NIPAL2: variants seen among roughly 807,000 people sequenced by gnomAD.
NIPAL2 encodes NIPA-like protein 2.
In NIPAL2, 43 loss-of-function variants were observed where a neutral mutation model predicts 48.9. The observed-to-expected ratio is 0.88, with a 90% CI of 0.69 to 1.13. The LOEUF (loss-of-function observed/expected upper bound fraction) is 1.13. Among genes scored for constraint, NIPAL2 ranks in the 50% most tolerant of loss-of-function variants. NIPAL2 has a pLI of 0.00. For missense variants in NIPAL2, 446 were observed against 461.4 expected, an observed-to-expected ratio of 0.97 and a Z score of 0.31; for synonymous variants, 167 against 174.6, an observed-to-expected ratio of 0.96 and a Z score of 0.34.
chr8:98,214,049 A>T (rs2130730021), intron 5 of NIPAL2, among the ~76,000 whole-genome samples: 1 of 152,326 alleles, frequency 6.6e-6, no homozygotes, highest in Non-Finnish European at 1.5e-5. Flanking sequence ...TTGCCAAAAA[A>T]GACCTAATGT....
intron 3 of NIPAL2, among the ~76,000 whole-genome samples, chr8:98,236,851 C>CTAAA (rs1812740935): frequency 1.5e-5 from 1 of 66,896 alleles, no homozygotes; most frequent in Non-Finnish European, 2.8e-5. Flanking sequence ...GATCCTGTCT[C>CTAAA]AAAAAAAAAA....
intron 4 of NIPAL2, among the ~76,000 whole-genome samples, chr8:98,234,976 GA>G (rs999589704): frequency 3.9e-5 from 6 of 152,136 alleles, no homozygotes; most frequent in African/African-American, 1.4e-4. Context: ...AATGCATTTA[GA>G]AAAACATTTA....
intron 1 of NIPAL2, among the ~76,000 whole-genome samples, chr8:98,276,022 G>A (rs756891850): frequency 2.6e-5 from 4 of 152,150 alleles, no homozygotes; most frequent in Admixed American, 6.6e-5. Context: ...TGCCACACAT[G>A]CACAGCCTTT....
chr8:98,221,327 C>T (rs1811862541), intron 5 of NIPAL2, among the ~76,000 whole-genome samples: 1 of 150,936 alleles, frequency 6.6e-6, no homozygotes, highest in Admixed American at 6.6e-5. Context: ...TTGTGTGCTC[C>T]TCTCAGACAG....
intron 4 of NIPAL2, among the ~76,000 whole-genome samples, chr8:98,224,207 G>T (rs995375407): frequency 6.6e-6 from 1 of 152,124 alleles, no homozygotes; most frequent in Non-Finnish European, 1.5e-5. Context: ...AAGGGTGATT[G>T]GTGGAAAGTT....
chr8:98,205,153 A>C lies in NIPAL2; in HGVS notation c.749T>G (p.Ile250Ser). ...KMQLTYPIFY[I>S]MFIIMIASCV... The stretch of plus-strand genomic sequence containing the variant: ...AGATGCTATCATGATGATAAACATG[A>C]TATAGAAAATGGGGTAAGTTAGTTG... The change falls in exon 7 of 11, where the codon ATC (isoleucine) becomes AGC (serine). Residue 250 changes from isoleucine to serine, a missense_variant. Transcript: ENST00000430223. 6.2e-7 allele frequency: 1 copy of C among 1,613,898 alleles called. No homozygotes were observed. Among genetic ancestry groups the C allele is most frequent in the African/African-American group, 1.3e-5 (1 of 75,066 alleles).
rs758513813 is a variant in NIPAL2 at position 98,192,038 on chromosome 8, A to C, written c.*940T>G. The stretch of plus-strand genomic sequence containing the variant: ...AATTTAAATGTGATTTTTTAGACTT[A>C]TATGGAGAATAAGACATATAAATCC... On this transcript the variant is annotated 3_prime_UTR_variant, in exon 11 of 11. Coordinates refer to ENST00000430223, the MANE Select transcript of NIPAL2 (RefSeq NM_001321635.2). 3 of 152,192 alleles carry C rather than the reference A, an allele frequency of 2.0e-5. No homozygotes were observed. The highest frequency in any genetic ancestry group is 4.4e-5 in the Non-Finnish European group (3 of 68,048). 9.4% of individuals were successfully genotyped at this position (152,192 alleles called of 1,614,324 possible).
At chr8:98,289,614 T>C (rs1816385395) in intron 1 of NIPAL2, among the ~76,000 whole-genome samples, 1 of 151,954 alleles carries the variant, frequency 6.6e-6, no homozygotes, top group African/African-American at 2.4e-5. Flanking sequence ...GCCTCCTGAG[T>C]AGCTGGGACT....
chr8:98,232,393 A>G (rs1340464973), intron 4 of NIPAL2, among the ~76,000 whole-genome samples: 1 of 152,242 alleles, frequency 6.6e-6, no homozygotes, highest in Non-Finnish European at 1.5e-5. Flanking sequence ...GGGAAAGGTT[A>G]CCTGGATTAC....
chr8:98,284,546 C>T (rs1816048267), intron 1 of NIPAL2, among the ~76,000 whole-genome samples: 2 of 152,080 alleles, frequency 1.3e-5, no homozygotes, highest in Non-Finnish European at 2.9e-5. Flanking sequence ...GGCCTCTCTG[C>T]TTACGGTTTT....
chr8:98,289,147 C>T (rs1440259135), intron 1 of NIPAL2, among the ~76,000 whole-genome samples: 1 of 151,912 alleles, frequency 6.6e-6, no homozygotes, highest in East Asian at 1.9e-4. Context: ...TCTTTTTCTG[C>T]TGTGTCTTTT....
intron 1 of NIPAL2, among the ~76,000 whole-genome samples, chr8:98,255,122 T>G (rs911102002): frequency 2.0e-5 from 3 of 152,240 alleles, no homozygotes; most frequent in African/African-American, 7.2e-5. Context: ...AATTGAAGAT[T>G]TAATAAACAC....
chr8:98,230,433 A>T (rs1272894334), intron 4 of NIPAL2, among the ~76,000 whole-genome samples: 1 of 152,248 alleles, frequency 6.6e-6, no homozygotes, highest in Non-Finnish European at 1.5e-5. Context: ...GTATTTGAGC[A>T]GAGGTGAATT....
chr8:98,205,169 A>G lies in NIPAL2; in HGVS notation c.733T>C (p.Tyr245His). ...FSVMDKMQLT[Y>H]PIFYIMFIIM... ...ATAAACATGATATAGAAAATGGGGTAAGTTAGTTGCATTTTATCCATCACA... is the reference window on the plus strand; with the variant it reads ...ATAAACATGATATAGAAAATGGGGTGAGTTAGTTGCATTTTATCCATCACA... Residue 245 changes from tyrosine (Y) to histidine (H), a missense_variant, in exon 7 of 11, where the codon TAC (tyrosine) becomes CAC (histidine). By Grantham distance (83) the Tyr-to-His change is moderately conservative. Transcript: ENST00000430223. The G allele has an allele frequency of 1.2e-6, 2 of 1,613,320 alleles. No individual in the cohort carries two copies. Among genetic ancestry groups the G allele is most frequent in the Non-Finnish European group, 1.7e-6 (2 of 1,179,294 alleles).
rs1166823423 is a variant in NIPAL2, at chr8:98,263,376, C to T, written c.136-9289G>A. Among the ~76,000 whole-genome samples the T allele has an allele frequency of 2.1e-4, 32 of 149,232 alleles. No individual in the cohort carries two copies. The East Asian group carries it at 3.6e-3, about 17-fold the overall frequency. ...GAAAGGATCAACAAAATTGATAGAC[C>T]GCTAGCAAGACTAATAAAGAAAAAA... On this transcript the variant is annotated intron_variant, in intron 1 of 10. Transcript: ENST00000430223.
At chr8:98,234,052 C>T (rs1812584752) in intron 4 of NIPAL2, among the ~76,000 whole-genome samples, 1 of 152,020 alleles carries the variant, frequency 6.6e-6, no homozygotes, top group Non-Finnish European at 1.5e-5. Context: ...TGTTTGGAGA[C>T]ATTTTTGGTT....
intron 5 of NIPAL2, among the ~76,000 whole-genome samples, chr8:98,219,239 G>A (rs555726211): frequency 6.6e-6 from 1 of 152,256 alleles, no homozygotes; most frequent in East Asian, 1.9e-4. Context: ...ATATAGATCT[G>A]GAGCTCAGGA....
intron 8 of NIPAL2, among the ~76,000 whole-genome samples, chr8:98,198,093 A>G (rs1194728542): frequency 6.6e-6 from 1 of 152,254 alleles, no homozygotes; most frequent in Non-Finnish European, 1.5e-5. Flanking sequence ...TGAAAGTCAA[A>G]ATTACTCATT....
chr8:98,202,977 G>T, intron 8 of NIPAL2, 131 bp downstream of exon 8: 2 of 689,582 alleles, frequency 2.9e-6, no homozygotes, highest in Non-Finnish European at 5.0e-6. Flanking sequence ...GATTGTCATA[G>T]GGGAAATTCA....
Sources: gnomAD v4.1 joint callset for allele counts (sites outside exome capture counted in the v4.1 genomes callset) on GRCh38, gnomAD v4.1.1 for gene constraint, MANE v1.5 for transcripts, NCBI Gene and HGNC (gene_info 2026-07-23, HGNC 2026-07-21) for gene names.